TBC1D22A: variants seen among roughly 807,000 people sequenced by gnomAD.
TBC1D22A encodes putative GTPase activator.
A neutral mutation model predicts 60.2 loss-of-function variants in TBC1D22A; 38 were observed. The ratio of observed to expected loss-of-function variants is 0.63; its 90% CI spans 0.49 to 0.83. TBC1D22A has a LOEUF of 0.83. Ranked by LOEUF, TBC1D22A falls within the 40% of genes least tolerant of loss-of-function variation. The pLI is 0.00. For synonymous variants in TBC1D22A, 302 were observed against 281.7 expected, an observed-to-expected ratio of 1.07 and a Z score of -0.72; for missense variants, 628 against 701.0, an observed-to-expected ratio of 0.90 and a Z score of 1.18.
intron 1 of TBC1D22A, among the ~76,000 whole-genome samples, chr22:46,781,765 G>A (rs928836921): frequency 6.6e-6 from 1 of 152,166 alleles, no homozygotes; most frequent in South Asian, 2.1e-4. Context: ...CCTGTGTGCG[G>A]CCTCTCCTGT....
At chr22:46,782,427 G>T (rs2083979709) in intron 1 of TBC1D22A, among the ~76,000 whole-genome samples, 1 of 152,156 alleles carries the variant, frequency 6.6e-6, no homozygotes, top group Admixed American at 6.5e-5. Context: ...ATGACGTCCC[G>T]GCCTTCCTGG....
chr22:47,105,685 A>G (rs1477178411), intron 11 of TBC1D22A, among the ~76,000 whole-genome samples: 1 of 152,246 alleles, frequency 6.6e-6, no homozygotes, highest in Admixed American at 6.5e-5. Flanking sequence ...ATTGCAAGCT[A>G]AAAATTTGGT....
intron 8 of TBC1D22A, among the ~76,000 whole-genome samples, chr22:46,955,911 A>G (rs1183783166): frequency 6.6e-6 from 1 of 152,172 alleles, no homozygotes; most frequent in Non-Finnish European, 1.5e-5. Context: ...GTGGAGGCAA[A>G]TGTTTGCATG....
At chr22:46,949,553 C>T (rs1004601660) in intron 8 of TBC1D22A, among the ~76,000 whole-genome samples, 8 of 152,160 alleles carry the variant, frequency 5.3e-5, no homozygotes, top group African/African-American at 1.9e-4. Flanking sequence ...TATTCCTACT[C>T]GTTTGGTGAT....
At chr22:46,889,695 G>T (rs149990747) in intron 5 of TBC1D22A, among the ~76,000 whole-genome samples, 35 of 152,310 alleles carry the variant, frequency 2.3e-4, no homozygotes, top group African/African-American at 7.7e-4. Flanking sequence ...ACTTGGATCC[G>T]TCTGGGAAGG....
At chr22:46,862,061 T>C (rs1391026231) in intron 4 of TBC1D22A, among the ~76,000 whole-genome samples, 2 of 152,160 alleles carry the variant, frequency 1.3e-5, no homozygotes, top group Non-Finnish European at 2.9e-5. Flanking sequence ...GACAGCGTAG[T>C]GGGGCCTCTG....
intron 12 of TBC1D22A, among the ~76,000 whole-genome samples, chr22:47,168,542 G>A (rs2068295697): frequency 6.6e-6 from 1 of 152,200 alleles, no homozygotes; most frequent in Non-Finnish European, 1.5e-5. Flanking sequence ...AGCATTGGGG[G>A]CGGGCTCGGG....
intron 7 of TBC1D22A, among the ~76,000 whole-genome samples, chr22:46,900,150 T>G (rs9627615): frequency 0.015 from 2,136 of 142,518 alleles, 68 homozygotes; most frequent in African/African-American, 0.058. Flanking sequence ...ACAGCTGTGG[T>G]TTTTTTTTTT....
intron 8 of TBC1D22A, among the ~76,000 whole-genome samples, chr22:46,916,532 C>T (rs1219098011): frequency 2.0e-5 from 3 of 152,244 alleles, no homozygotes; most frequent in African/African-American, 7.2e-5. Flanking sequence ...GCTGTGCACA[C>T]AGGCGTGCAG....
intron 4 of TBC1D22A, among the ~76,000 whole-genome samples, chr22:46,807,272 A>ATGGTGATGG (rs1431411197): frequency 1.1e-4 from 1 of 9,208 alleles, no homozygotes; most frequent in Admixed American, 1.0e-3. Context: ...GGTGATGGTG[A>ATGGTGATGG]TGATGGTGGT....
chr22:47,162,922 T>C (rs1440111343), intron 12 of TBC1D22A, among the ~76,000 whole-genome samples: 1 of 152,182 alleles, frequency 6.6e-6, no homozygotes, highest in Non-Finnish European at 1.5e-5. Flanking sequence ...GCACACACCA[T>C]GTGTCTGAAA....
At chr22:46,797,088 G>T (rs1182912852) in intron 3 of TBC1D22A, among the ~76,000 whole-genome samples, 1 of 152,160 alleles carries the variant, frequency 6.6e-6, no homozygotes, top group Admixed American at 6.5e-5. Context: ...CGAGGGCACC[G>T]TCCTACACAG....
At chr22:47,051,124 C>A (rs899685614) in intron 11 of TBC1D22A, among the ~76,000 whole-genome samples, 1 of 152,072 alleles carries the variant, frequency 6.6e-6, no homozygotes, top group East Asian at 1.9e-4. Context: ...GCAGGGGGAC[C>A]TCTCCTCCCT....
At chr22:46,808,911 T>C (rs1341345129) in intron 4 of TBC1D22A, among the ~76,000 whole-genome samples, 6 of 152,210 alleles carry the variant, frequency 3.9e-5, no homozygotes, top group African/African-American at 1.4e-4. Context: ...GCTTTTGAGG[T>C]ATTCATATAA....
At chr22:46,871,040 G>A (rs914548181) in intron 4 of TBC1D22A, among the ~76,000 whole-genome samples, 2 of 152,184 alleles carry the variant, frequency 1.3e-5, no homozygotes, top group Non-Finnish European at 2.9e-5. Context: ...TATATGTCAT[G>A]CAAGCTCTAA....
At chr22:47,056,046 C>T in intron 11 of TBC1D22A, among the ~76,000 whole-genome samples, 1 of 152,172 alleles carries the variant, frequency 6.6e-6, no homozygotes, top group East Asian at 1.9e-4. Context: ...GGCTTCATTA[C>T]TTGCTTGAGT....
Position 46,990,787 on chromosome 22 carries a change from G to A in TBC1D22A, c.1126-6847G>A, listed in dbSNP as rs912050654. 1.3e-5 allele frequency among the ~76,000 whole-genome samples: 2 copies of A among 152,186 alleles called. No individual in the cohort carries two copies. The highest frequency in any genetic ancestry group is 4.8e-5 in the African/African-American group (2 of 41,444). ...TGCTGCGGTGGCTTCTCTCCCCGTT[G>A]GCTTGCTGGCTGTCTCCCTCCCGCG... On this transcript the variant is annotated intron_variant, in intron 9 of 12. Transcript: ENST00000337137. The surrounding 1 kb of genome is among the most constrained non-coding windows in gnomAD (Gnocchi z 4.6).
chr22:46,769,861 G>A (rs1052189555), intron 1 of TBC1D22A, among the ~76,000 whole-genome samples: 3 of 152,068 alleles, frequency 2.0e-5, no homozygotes, highest in East Asian at 3.9e-4. Context: ...GAGAGGATCG[G>A]GCATGTTCAG....
chr22:47,143,505 C>T (rs1257563438), intron 12 of TBC1D22A, among the ~76,000 whole-genome samples: 1 of 152,242 alleles, frequency 6.6e-6, no homozygotes, highest in Non-Finnish European at 1.5e-5. Context: ...ACCATCAGTG[C>T]AGTGGCCCTA....
Sources: gnomAD v4.1 joint callset for allele counts (sites outside exome capture counted in the v4.1 genomes callset) on GRCh38, gnomAD v4.1.1 for gene constraint, Gnocchi (gnomAD v3.1) non-coding constraint, MANE v1.5 for transcripts, NCBI Gene and HGNC (gene_info 2026-07-23, HGNC 2026-07-21) for gene names.